Variants in ATP6V1E2 observed in about 807,000 individuals in gnomAD.
ATP6V1E2 encodes the protein ATPase H+ transporting V1 subunit E2, also known as V-type proton ATPase subunit E 2.
For missense variants in ATP6V1E2, 308 were observed against 273.3 expected (o/e 1.13, Z -0.90); for synonymous variants, 121 against 104.2 (o/e 1.16, Z -0.98).
intron 1 of ATP6V1E2, 180 bp from the exon 2 acceptor site, chr2:46,541,633 T>G (rs1374689378): frequency 6.6e-6 from 1 of 152,282 alleles, no homozygotes; most frequent in Admixed American, 6.5e-5. Context: ...CTCTCAATGC[T>G]GCATTTTTCT....
intron 2 of ATP6V1E2, among the ~76,000 whole-genome samples, chr2:46,539,425 T>A (rs1667606914): frequency 6.6e-6 from 1 of 152,236 alleles, no homozygotes; most frequent in South Asian, 2.1e-4. Flanking sequence ...AAGTCACATT[T>A]GTGGTAAGAA....
rs563324535 is a variant in ATP6V1E2 at position 46,519,082 on chromosome 2, C to T, written c.-101-6270G>A. On this transcript the variant is annotated intron_variant, in intron 4 of 4. Transcript: ENST00000522587. ...TGACCCTTGCAGTCTGACCAGGCAGCTTGAATCCAAAGAGCCAGGCTGTCA... is the reference window on the plus strand; with the variant it reads ...TGACCCTTGCAGTCTGACCAGGCAGTTTGAATCCAAAGAGCCAGGCTGTCA... The T allele has an allele frequency of 7.9e-5, 12 of 152,318 alleles. No homozygotes were observed. The South Asian group carries it at 2.5e-3, about 32-fold the overall frequency. 9.4% of individuals were successfully genotyped at this position (152,318 alleles called of 1,614,324 possible).
At chr2:46,534,874 C>A (rs868802757) in intron 4 of ATP6V1E2, 1 of 152,248 alleles carries the variant, frequency 6.6e-6, no homozygotes, top group African/African-American at 2.4e-5. Context: ...GGGAACCAAT[C>A]AGCTCACAGC....
chr2:46,512,170 A>ACACCTC lies in ATP6V1E2; in HGVS notation c.536_541dup (p.Gly179_Gly180dup), dbSNP rs1558652457. The ACACCTC allele has an allele frequency of 6.2e-7, 1 of 1,614,168 alleles. No homozygotes were observed. Among genetic ancestry groups the ACACCTC allele is most frequent in the East Asian group, 2.2e-5 (1 of 44,888 alleles). ...TCTCTGATTGCCACTGTAGACCTCC[A>ACACCTC]CACCTCCAGCTGCATTCACAGCCAG... On this transcript the variant is annotated inframe_insertion, in exon 5 of 5. Coordinates refer to ENST00000522587, the MANE Select transcript of ATP6V1E2 (RefSeq NM_001318063.2).
At chr2:46,513,934 A>G (rs1487327787) in intron 4 of ATP6V1E2, among the ~76,000 whole-genome samples, 1 of 152,190 alleles carries the variant, frequency 6.6e-6, no homozygotes, top group East Asian at 1.9e-4. Flanking sequence ...TGGTCTTTTT[A>G]CTAGAAGTGG....
chr2:46,520,309 A>G (rs1199511579), intron 4 of ATP6V1E2, among the ~76,000 whole-genome samples: 30 of 152,346 alleles, frequency 2.0e-4, no homozygotes, highest in Non-Finnish European at 1.5e-5. Context: ...ATGAGCCCAC[A>G]TGGGCCTGTG....
At chr2:46,518,487 C>T (rs1299677568) in intron 4 of ATP6V1E2, among the ~76,000 whole-genome samples, 1 of 77,788 alleles carries the variant, frequency 1.3e-5, no homozygotes, top group Non-Finnish European at 2.5e-5. Flanking sequence ...CACACACACA[C>T]ACAACACACA....
chr2:46,515,732 GCT>G (rs1380238971), intron 4 of ATP6V1E2, among the ~76,000 whole-genome samples: 3 of 152,158 alleles, frequency 2.0e-5, no homozygotes, highest in Non-Finnish European at 2.9e-5. Flanking sequence ...ATATAAAGTG[GCT>G]GAATGGATTA....
chr2:46,528,648 T>C (rs944055286), intron 4 of ATP6V1E2, among the ~76,000 whole-genome samples: 1 of 152,208 alleles, frequency 6.6e-6, no homozygotes. Flanking sequence ...TGTCACAAGA[T>C]GCATCCAGGA....
chr2:46,512,856 T>TA (rs1228598195), intron 4 of ATP6V1E2, 44 bp from the exon 5 acceptor site: 9 of 702,052 alleles, frequency 1.3e-5, no homozygotes, highest in Non-Finnish European at 1.9e-5. Flanking sequence ...TCAGAGGCTA[T>TA]AGAGGAGGAT....
chr2:46,532,966 C>A (rs922214783), intron 4 of ATP6V1E2, among the ~76,000 whole-genome samples: 6 of 151,606 alleles, frequency 4.0e-5, no homozygotes, highest in Non-Finnish European at 7.4e-5. Context: ...TTTTTCTATC[C>A]CTTTTGTTAT....
intron 4 of ATP6V1E2, among the ~76,000 whole-genome samples, chr2:46,527,108 G>A (rs1396131824): frequency 1.3e-5 from 2 of 152,142 alleles, no homozygotes; most frequent in African/African-American, 2.4e-5. Flanking sequence ...AGGTTGGAGT[G>A]TAGTGGCATG....
intron 2 of ATP6V1E2, among the ~76,000 whole-genome samples, chr2:46,540,004 C>T (rs1572724227): frequency 1.3e-5 from 2 of 152,210 alleles, no homozygotes; most frequent in East Asian, 3.8e-4. Context: ...TCTTTGTCCC[C>T]AGCCCAGGAA....
At chr2:46,516,902 A>G (rs941431801) in intron 4 of ATP6V1E2, among the ~76,000 whole-genome samples, 1 of 152,238 alleles carries the variant, frequency 6.6e-6, no homozygotes, top group African/African-American at 2.4e-5. Flanking sequence ...AAATGTCCAT[A>G]CTAACCAAAA....
rs1448729991 is a variant in ATP6V1E2, at chr2:46,512,490, G to C, written c.222C>G (p.Thr74=). Reference sequence around the variant, plus strand: ...CTTTCAGCCTCGCCTGATTCCTCATGGTGGACATCAGGATTTTCTTCTGCT... The same window carrying C: ...CTTTCAGCCTCGCCTGATTCCTCATCGTGGACATCAGGATTTTCTTCTGCT... The part of the protein sequence containing the change: ...IEQQKKILMS[T]MRNQARLKVL... Residue 74 remains threonine, a synonymous_variant, in exon 5 of 5, where the codon ACC becomes ACG. Coordinates refer to ENST00000522587, the MANE Select transcript of ATP6V1E2 (RefSeq NM_001318063.2). The C allele has an allele frequency of 6.2e-7, 1 of 1,614,034 alleles. No individual in the cohort carries two copies.
At chr2:46,515,109 G>C (rs897623800) in intron 4 of ATP6V1E2, among the ~76,000 whole-genome samples, 3 of 152,108 alleles carry the variant, frequency 2.0e-5, no homozygotes, top group African/African-American at 4.8e-5. Flanking sequence ...ATCACCACTA[G>C]ACCTACCTTA....
chr2:46,514,678 C>A (rs1216878336), intron 4 of ATP6V1E2, among the ~76,000 whole-genome samples: 1 of 151,890 alleles, frequency 6.6e-6, no homozygotes, highest in Non-Finnish European at 1.5e-5. Context: ...ATCAAGCAGA[C>A]CAATATATGC....
intron 4 of ATP6V1E2, among the ~76,000 whole-genome samples, chr2:46,533,530 T>C (rs1376403684): frequency 6.6e-6 from 1 of 152,196 alleles, no homozygotes; most frequent in African/African-American, 2.4e-5. Context: ...TGCCTCAGCC[T>C]CCAAAAGTTC....
At chr2:46,525,185 G>T (rs1324263535) in intron 4 of ATP6V1E2, among the ~76,000 whole-genome samples, 1 of 152,178 alleles carries the variant, frequency 6.6e-6, no homozygotes, top group Admixed American at 6.5e-5. Flanking sequence ...GAGAAAGCAG[G>T]GACAGGCGGC....
Sources: allele counts gnomAD v4.1 joint callset (sites outside exome capture counted in the v4.1 genomes callset), GRCh38; gene constraint gnomAD v4.1.1; transcripts MANE v1.5; gene names NCBI Gene and HGNC (gene_info 2026-07-23, HGNC 2026-07-21).